ACVR1B: variants seen among roughly 807,000 people sequenced by gnomAD.
ACVR1B encodes activin receptor type-1B.
In ACVR1B, 15 loss-of-function variants were observed where a neutral mutation model predicts 55.6. The ratio of observed to expected loss-of-function variants is 0.27; its 90% CI spans 0.18 to 0.42. The LOEUF (loss-of-function observed/expected upper bound fraction) is 0.42. Ranked by LOEUF, ACVR1B falls within the 10% of genes least tolerant of loss-of-function variation. ACVR1B has a pLI of 1.00. For synonymous variants in ACVR1B, 247 were observed against 254.6 expected (o/e 0.97, Z 0.28); for missense variants, 359 against 670.1 (o/e 0.54, Z 5.13).
At chr12:51,982,132 G>A (rs1243148834) in intron 4 of ACVR1B, among the ~76,000 whole-genome samples, 1 of 152,202 alleles carries the variant, frequency 6.6e-6, no homozygotes, top group African/African-American at 2.4e-5. Flanking sequence ...GAGTTGTTCT[G>A]TTGAGCACAA....
Position 51,994,290 on chromosome 12 carries a change from G to T in ACVR1B, c.*180G>T. 1 of 777,808 alleles carries T rather than the reference G, an allele frequency of 1.3e-6. No individual in the cohort carries two copies. Among genetic ancestry groups the T allele is most frequent in the Non-Finnish European group, 2.0e-6 (1 of 501,816 alleles). The allele number at this position is 777,808 out of a possible 1,614,324, so 48.2% of individuals were successfully genotyped here. ...TCACTCCCATGTTGGGTTTGAGACAGACACCTTTTCTATTTACCTCCTAAT... is the reference window on the plus strand; with the variant it reads ...TCACTCCCATGTTGGGTTTGAGACATACACCTTTTCTATTTACCTCCTAAT... On this transcript the variant is annotated 3_prime_UTR_variant, in exon 9 of 9. Coordinates refer to ENST00000257963, the MANE Select transcript of ACVR1B (RefSeq NM_004302.5). The surrounding 1 kb of genome is among the most constrained non-coding windows in gnomAD (Gnocchi z 4.2).
chr12:51,951,855 CG>C (rs1338668504), intron 1 of ACVR1B, 21 bp downstream of exon 1: 6 of 1,248,362 alleles, frequency 4.8e-6, no homozygotes, highest in African/African-American at 1.5e-5. Context: ...GGACGGGGGG[CG>C]GGGGCCGGGA....
At chr12:51,992,652 G>A (rs1942215755) in intron 8 of ACVR1B, among the ~76,000 whole-genome samples, 1 of 152,314 alleles carries the variant, frequency 6.6e-6, no homozygotes, top group Non-Finnish European at 1.5e-5. Context: ...GTGAGGAGGA[G>A]GTGTCCATAA....
chr12:51,959,593 A>C (rs1488610991), intron 1 of ACVR1B, among the ~76,000 whole-genome samples: 2 of 152,230 alleles, frequency 1.3e-5, no homozygotes, highest in Non-Finnish European at 2.9e-5. Context: ...TGAAATAGTA[A>C]CTAGGTGGTG....
At position 51,981,002 on chromosome 12, in the gene ACVR1B, G is replaced by A. The variant is rs750117601; in HGVS notation, c.614G>A (p.Arg205Gln). 2 of 1,613,872 alleles carry A rather than the reference G, an allele frequency of 1.2e-6. No homozygotes were observed. The highest frequency in any genetic ancestry group is 8.5e-7 in the Non-Finnish European group (1 of 1,179,786). The change falls in exon 4 of 9, where the codon CGA (arginine) becomes CAA (glutamine). Residue 205 changes from arginine to glutamine, a missense_variant. Transcript: ENST00000257963. The part of the protein sequence containing the change: ...LPLFVQRTVA[R>Q]TIVLQEIIGK... ...CTCTTTGTCCAGCGCACAGTGGCCC[G>A]AACCATCGTTTTACAAGAGATTATT...
intron 3 of ACVR1B, among the ~76,000 whole-genome samples, chr12:51,978,785 A>G (rs1344247084): frequency 1.4e-5 from 2 of 147,362 alleles, no homozygotes; most frequent in Admixed American, 6.9e-5. Flanking sequence ...AGCCGAGATC[A>G]CGCCACTGCA....
chr12:51,977,605 TCC>T (rs1334237756), intron 3 of ACVR1B, among the ~76,000 whole-genome samples: 18 of 147,990 alleles, frequency 1.2e-4, no homozygotes, highest in African/African-American at 4.6e-4. Flanking sequence ...GGTATTGCAT[TCC>T]TTTTTTTTTT....
intron 1 of ACVR1B, among the ~76,000 whole-genome samples, chr12:51,966,070 A>AAAAG (rs561454249): frequency 2.6e-5 from 4 of 152,316 alleles, no homozygotes; most frequent in East Asian, 1.9e-4. Context: ...TACTAAAAAA[A>AAAAG]AAAGAAAGAA....
intron 1 of ACVR1B, among the ~76,000 whole-genome samples, chr12:51,973,270 A>T (rs2120578438): frequency 6.6e-6 from 1 of 152,356 alleles, no homozygotes; most frequent in South Asian, 2.1e-4. Context: ...CTGTGCTCAG[A>T]ATAGTCCTCT....
At chr12:51,967,297 A>C (rs548905939) in intron 1 of ACVR1B, among the ~76,000 whole-genome samples, 1 of 147,304 alleles carries the variant, frequency 6.8e-6, no homozygotes, top group African/African-American at 2.5e-5. Context: ...GGTGGCTCAC[A>C]CCTGTAATCC....
intron 1 of ACVR1B, among the ~76,000 whole-genome samples, chr12:51,969,961 G>A (rs896787250): frequency 2.0e-5 from 3 of 152,100 alleles, no homozygotes; most frequent in Admixed American, 6.5e-5. Flanking sequence ...CATAATATTG[G>A]TAGAGTCACC....
chr12:51,988,641 TAAG>T (rs1227979459), intron 7 of ACVR1B, among the ~76,000 whole-genome samples: 1 of 152,184 alleles, frequency 6.6e-6, no homozygotes, highest in Non-Finnish European at 1.5e-5. Flanking sequence ...AAGTAAATAA[TAAG>T]TAGGTGCTAT....
At chr12:51,980,156 C>CA (rs1344231805) in intron 3 of ACVR1B, among the ~76,000 whole-genome samples, 1 of 152,064 alleles carries the variant, frequency 6.6e-6, no homozygotes, top group Non-Finnish European at 1.5e-5. Flanking sequence ...CCTTACCTTC[C>CA]AGGTGGTTTG....
chr12:51,993,224 C>T (rs1326039514), intron 8 of ACVR1B, among the ~76,000 whole-genome samples: 2 of 152,206 alleles, frequency 1.3e-5, no homozygotes, highest in Non-Finnish European at 2.9e-5. Context: ...ATTAGAGCCC[C>T]AGAACTTACC....
chr12:51,994,122 C>T lies in ACVR1B; in HGVS notation c.*12C>T. On this transcript the variant is annotated 3_prime_UTR_variant, in exon 9 of 9. Coordinates refer to ENST00000257963, the MANE Select transcript of ACVR1B (RefSeq NM_004302.5). This position sits in a 1 kb window ranked among gnomAD's most constrained non-coding sequence, Gnocchi z 4.2. ...ACGTGAAGATCTAACTGCTCCCTCT[C>T]TCCACACGGAGCTCCTGGCAGCGAG... The T allele has an allele frequency of 6.2e-7, 1 of 1,612,498 alleles. No homozygotes were observed. Among genetic ancestry groups the T allele is most frequent in the Non-Finnish European group, 8.5e-7 (1 of 1,179,924 alleles).
At chr12:51,952,857 T>A (rs1049427081) in intron 1 of ACVR1B, among the ~76,000 whole-genome samples, 7 of 123,850 alleles carry the variant, frequency 5.7e-5, no homozygotes, top group African/African-American at 2.1e-4. Flanking sequence ...CCCCACAGTC[T>A]GCGGCTCGCC....
intron 4 of ACVR1B, chr12:51,982,648 C>T (rs1455532138): frequency 6.4e-5 from 96 of 1,499,662 alleles, no homozygotes; most frequent in Non-Finnish European, 8.1e-5. Flanking sequence ...ACAAAGCCTA[C>T]AGAAGATGCT....
chr12:51,993,770 A>T (rs1942241522), intron 8 of ACVR1B, among the ~76,000 whole-genome samples: 1 of 14,936 alleles, frequency 6.7e-5, no homozygotes, highest in Non-Finnish European at 1.7e-4. Flanking sequence ...CCTTCTAAAA[A>T]AAAAAAAAAA....
rs757077272 is a variant in ACVR1B, at chr12:51,975,445, G to A, written c.272G>A (p.Arg91His). ...TACTGCCTGAGCTCGGAGGACCTGCGCAACACCCACTGCTGCTACACTGAC... is the reference window on the plus strand; with the variant it reads ...TACTGCCTGAGCTCGGAGGACCTGCACAACACCCACTGCTGCTACACTGAC... ...PFYCLSSEDLRNTHCCYTDYC... is the reference protein window; with the variant it reads ...PFYCLSSEDLHNTHCCYTDYC... Residue 91 changes from arginine (R) to histidine (H), a missense_variant, in exon 2 of 9, where the codon CGC becomes CAC. Physicochemically the swap from Arg to His is conservative, Grantham distance 29 (BLOSUM62 0). Transcript: ENST00000257963. The A allele has an allele frequency of 8.7e-6, 14 of 1,614,106 alleles. No individual in the cohort carries two copies. Among genetic ancestry groups the A allele is most frequent in the Non-Finnish European group, 1.2e-5 (14 of 1,180,056 alleles).
Sources: gnomAD v4.1 joint callset for allele counts (sites outside exome capture counted in the v4.1 genomes callset) on GRCh38, gnomAD v4.1.1 for gene constraint, Gnocchi (gnomAD v3.1) non-coding constraint, MANE v1.5 for transcripts, NCBI Gene and HGNC (gene_info 2026-07-23, HGNC 2026-07-21) for gene names.